NRXN2: variants seen among roughly 807,000 people sequenced by gnomAD.
NRXN2 encodes the protein neurexin 2.
Under a neutral mutation model 128.8 loss-of-function variants are expected in NRXN2, and 29 were observed. That is an observed-to-expected ratio of 0.23 (90% CI 0.17 to 0.31). The LOEUF (loss-of-function observed/expected upper bound fraction) is 0.31, where lower values mean the gene tolerates loss of function less well. Ranked by LOEUF, NRXN2 falls within the 10% of genes least tolerant of loss-of-function variation. The pLI, the probability that NRXN2 is intolerant of heterozygous loss-of-function variation, is 1.00. For synonymous variants in NRXN2, 1,098 were observed against 1,075.2 expected, an observed-to-expected ratio of 1.02 and a Z score of -0.41; for missense variants, 1,881 against 2,452.6, an observed-to-expected ratio of 0.77 and a Z score of 4.92.
intron 6 of NRXN2, among the ~76,000 whole-genome samples, chr11:64,677,960 G>A (rs1229325997): frequency 6.6e-6 from 1 of 152,186 alleles, no homozygotes; most frequent in African/African-American, 2.4e-5. Context: ...GCAAGAATGA[G>A]AGCCAATTTC....
At chr11:64,643,340 GA>G in intron 17 of NRXN2, 1 of 573,438 alleles carries the variant, frequency 1.7e-6, no homozygotes, top group Non-Finnish European at 2.1e-6. Context: ...GAGGCCGGGG[GA>G]AAGGAGGGAG....
intron 7 of NRXN2, among the ~76,000 whole-genome samples, chr11:64,670,548 T>G (rs1430764023): frequency 6.6e-6 from 1 of 152,090 alleles, no homozygotes; most frequent in African/African-American, 2.4e-5. Flanking sequence ...TGCCTGATGC[T>G]GCACTGAGGG....
intron 17 of NRXN2, chr11:64,642,761 G>A: frequency 3.3e-6 from 4 of 1,225,732 alleles, no homozygotes; most frequent in Admixed American, 4.3e-5. Flanking sequence ...AGGGCCGGGG[G>A]GCGGCGCGGG....
rs571076226 is a variant in NRXN2, at chr11:64,716,237, G to A, written c.-244-2294C>T. Among the ~76,000 whole-genome samples, 5 of 152,270 alleles carry A rather than the reference G, an allele frequency of 3.3e-5. No individual in the cohort carries two copies. In the South Asian group the frequency reaches 6.2e-4, roughly 19 times the overall value. On this transcript the variant is annotated intron_variant, in intron 1 of 22. Transcript: ENST00000265459. Reference sequence around the variant, plus strand: ...CCGCTGGCGGAGGGAAAAGGATTTCGTGCTGCTGTCCAGTCATCCCCAAGC... The same window carrying A: ...CCGCTGGCGGAGGGAAAAGGATTTCATGCTGCTGTCCAGTCATCCCCAAGC...
intron 20 of NRXN2, among the ~76,000 whole-genome samples, chr11:64,625,914 C>T (rs750584415): frequency 1.5e-4 from 23 of 152,338 alleles, no homozygotes; most frequent in Admixed American, 2.6e-4. Flanking sequence ...AGCCCCACAG[C>T]ACTCTCTTTG....
In NRXN2 at chr11:64,607,100, G is replaced by C. The variant is rs569838763; in HGVS notation, c.*96C>G. 1 of 1,353,074 alleles carries C rather than the reference G, an allele frequency of 7.4e-7. No homozygotes were observed. The highest frequency in any genetic ancestry group is 1.0e-6 in the Non-Finnish European group (1 of 986,592). 83.8% of individuals were successfully genotyped at this position (1,353,074 alleles called of 1,614,324 possible). On this transcript the variant is annotated 3_prime_UTR_variant, in exon 23 of 23. Transcript: ENST00000265459. The stretch of plus-strand genomic sequence containing the variant: ...GTAAGAGAAGCCTGAGGCAGCCAGG[G>C]AGAGGGTCCCCAGGCCCCTGGCAGG...
intron 1 of NRXN2, among the ~76,000 whole-genome samples, chr11:64,718,106 C>T (rs2057345373): frequency 6.6e-6 from 1 of 152,196 alleles, no homozygotes; most frequent in African/African-American, 2.4e-5. Context: ...GCTGGCCTTC[C>T]CTTCCAGACA....
At chr11:64,639,406 G>A (rs541400351) in intron 17 of NRXN2, among the ~76,000 whole-genome samples, 1 of 152,256 alleles carries the variant, frequency 6.6e-6, no homozygotes, top group African/African-American at 2.4e-5. Flanking sequence ...ATAAGCTGGA[G>A]TGATAAACCT....
At chr11:64,695,124 TC>T (rs1231512518) in intron 3 of NRXN2, among the ~76,000 whole-genome samples, 1 of 151,976 alleles carries the variant, frequency 6.6e-6, no homozygotes, top group Non-Finnish European at 1.5e-5. Flanking sequence ...CCCAGGGTTT[TC>T]TCCCTAAAGT....
At position 64,650,517 on chromosome 11, in the gene NRXN2, G is replaced by T; in HGVS notation, c.3040C>A (p.His1014Asn). ...VVVSRDPGNV[H>N]TLKIDSRTVT... ...GTGCGGGAGTCAATCTTGAGCGTGT[G>T]CACGTTGCCTGGGTCCCTGGACACC... The change falls in exon 15 of 23, where the codon CAC becomes AAC. Residue 1014 changes from histidine (H) to asparagine (N), a missense_variant. Physicochemically the swap from His to Asn is moderately conservative, Grantham distance 68. Coordinates refer to ENST00000265459, the MANE Select transcript of NRXN2 (RefSeq NM_015080.4). 2 of 1,614,204 alleles carry T rather than the reference G, an allele frequency of 1.2e-6. No homozygotes were observed. The highest frequency in any genetic ancestry group is 1.7e-6 in the Non-Finnish European group (2 of 1,180,034).
chr11:64,707,442 G>T (rs1450665385), intron 2 of NRXN2, among the ~76,000 whole-genome samples: 1 of 152,058 alleles, frequency 6.6e-6, no homozygotes, highest in Admixed American at 6.5e-5. Context: ...AATGTCATGG[G>T]CCTAGGGAGT....
At chr11:64,722,691 C>T (rs2057464738) in intron 1 of NRXN2, among the ~76,000 whole-genome samples, 1 of 149,246 alleles carries the variant, frequency 6.7e-6, no homozygotes, top group South Asian at 2.2e-4. Context: ...CTCTGGATGC[C>T]CCTCCTCTCT....
At chr11:64,662,990 G>C (rs541847164) in intron 9 of NRXN2, among the ~76,000 whole-genome samples, 62 of 152,250 alleles carry the variant, frequency 4.1e-4, no homozygotes, top group African/African-American at 1.4e-3. Context: ...ATCAATGTGA[G>C]CACAGGGTGG....
chr11:64,715,123 A>G (rs2057258288), intron 1 of NRXN2, among the ~76,000 whole-genome samples: 1 of 152,208 alleles, frequency 6.6e-6, no homozygotes, highest in African/African-American at 2.4e-5. Context: ...AAGGTGGCCT[A>G]GTGGGGAGAA....
intron 21 of NRXN2, 34 bp from the exon 22 acceptor site, chr11:64,620,406 G>A (rs2042147192): frequency 3.3e-6 from 5 of 1,520,222 alleles, no homozygotes; most frequent in Non-Finnish European, 4.5e-6. Context: ...GGAAAGAGAG[G>A]TTCCAGGCAG....
intron 2 of NRXN2, chr11:64,712,670 C>T (rs1041681951): frequency 3.4e-6 from 2 of 580,926 alleles, no homozygotes; most frequent in African/African-American, 1.9e-5. Context: ...CACGGGGCTT[C>T]ATGCACCCCA....
chr11:64,619,183 C>A (rs1407132272), intron 22 of NRXN2, among the ~76,000 whole-genome samples: 1 of 152,168 alleles, frequency 6.6e-6, no homozygotes, highest in African/African-American at 2.4e-5. Flanking sequence ...CTGGTACCAA[C>A]AACCCAGGTG....
At chr11:64,678,324 G>A (rs1227868497) in intron 6 of NRXN2, among the ~76,000 whole-genome samples, 1 of 151,884 alleles carries the variant, frequency 6.6e-6, no homozygotes, top group African/African-American at 2.4e-5. Context: ...AAGTTCTCCA[G>A]GCTCTTCAAT....
intron 1 of NRXN2, among the ~76,000 whole-genome samples, chr11:64,715,108 G>C (rs1249497673): frequency 1.3e-5 from 2 of 152,134 alleles, no homozygotes; most frequent in Non-Finnish European, 2.9e-5. Context: ...GAGTAATGGA[G>C]GAGAAAGGTG....
Sources: allele counts gnomAD v4.1 joint callset (sites outside exome capture counted in the v4.1 genomes callset), GRCh38; gene constraint gnomAD v4.1.1; transcripts MANE v1.5; gene names NCBI Gene and HGNC (gene_info 2026-07-23, HGNC 2026-07-21).